The following ATRNL1 variants were observed in gnomAD, a reference collection of about 807,000 sequenced individuals.
ATRNL1 encodes the protein attractin-like protein 1.
ATRNL1 carries 95 observed loss-of-function variants against 182.7 expected under a neutral mutation model. The ratio of observed to expected loss-of-function variants is 0.52; its 90% confidence interval spans 0.44 to 0.62. ATRNL1 has a LOEUF of 0.62. Ranked by LOEUF, ATRNL1 falls within the 20% of genes least tolerant of loss-of-function variation. ATRNL1 has a pLI of 0.00. For missense variants in ATRNL1, 1,471 were observed against 1,679.5 expected, an observed-to-expected ratio of 0.88 and a Z score of 2.17; for synonymous variants, 576 against 568.3, an observed-to-expected ratio of 1.01 and a Z score of -0.19.
chr10:115,436,805 C>A (rs777194644), intron 21 of ATRNL1, among the ~76,000 whole-genome samples: 52 of 152,056 alleles, frequency 3.4e-4, no homozygotes, highest in Admixed American at 1.6e-3. Context: ...TATTGACTAG[C>A]TACTTTGTTA....
chr10:115,194,999 A>G (rs1848307480), intron 8 of ATRNL1, among the ~76,000 whole-genome samples: 1 of 151,982 alleles, frequency 6.6e-6, no homozygotes, highest in South Asian at 2.1e-4. Flanking sequence ...AAAAAGCTCT[A>G]TACATTCTTT....
At chr10:115,527,312 G>C (rs1554986817) in intron 25 of ATRNL1, among the ~76,000 whole-genome samples, 1 of 151,956 alleles carries the variant, frequency 6.6e-6, no homozygotes, top group Non-Finnish European at 1.5e-5. Context: ...GTAGAGATGG[G>C]GTTTCACCGT....
chr10:115,312,865 C>G lies in ATRNL1; in HGVS notation c.2819-2653C>G, dbSNP rs146171773. On this transcript the variant is annotated intron_variant, in intron 17 of 28. Coordinates refer to ENST00000355044, the MANE Select transcript of ATRNL1 (RefSeq NM_207303.4). Reference sequence around the variant, plus strand: ...AATTCAAAAGCTTTGTCTATGAGGTCTGAAATTATTTCTTCTACTTTGTCT... The same window carrying G: ...AATTCAAAAGCTTTGTCTATGAGGTGTGAAATTATTTCTTCTACTTTGTCT... Among the ~76,000 whole-genome samples, 867 of 152,074 alleles carry G rather than the reference C, an allele frequency of 5.7e-3. 5 individuals are homozygous for G. Among genetic ancestry groups the G allele is most frequent in the Admixed American group, 0.011 (167 of 15,266 alleles).
At chr10:115,844,096 A>G (rs1950873990) in intron 27 of ATRNL1, among the ~76,000 whole-genome samples, 1 of 152,076 alleles carries the variant, frequency 6.6e-6, no homozygotes, top group Non-Finnish European at 1.5e-5. Context: ...CCTTGAAGCG[A>G]CTTAGTTTAC....
intron 27 of ATRNL1, among the ~76,000 whole-genome samples, chr10:115,790,332 C>T (rs1299666042): frequency 6.6e-6 from 1 of 152,042 alleles, no homozygotes; most frequent in Non-Finnish European, 1.5e-5. Context: ...AACTTCCACC[C>T]ACAGTTTCTG....
intron 19 of ATRNL1, among the ~76,000 whole-genome samples, chr10:115,357,203 T>G (rs1856541939): frequency 6.6e-6 from 1 of 151,880 alleles, no homozygotes; most frequent in Non-Finnish European, 1.5e-5. Flanking sequence ...ATGACAGGCC[T>G]AGGGTGAAGA....
intron 19 of ATRNL1, among the ~76,000 whole-genome samples, chr10:115,380,660 T>A (rs1244482881): frequency 6.6e-6 from 1 of 152,218 alleles, no homozygotes; most frequent in Non-Finnish European, 1.5e-5. Context: ...ACTTTTTTCA[T>A]GTAGTGTAAT....
At chr10:115,221,645 ACCT>A (rs1554897479) in intron 9 of ATRNL1, among the ~76,000 whole-genome samples, 1 of 152,126 alleles carries the variant, frequency 6.6e-6, no homozygotes, top group East Asian at 1.9e-4. Flanking sequence ...AATCCTGGAA[ACCT>A]CCTGAGACAC....
intron 5 of ATRNL1, among the ~76,000 whole-genome samples, chr10:115,133,131 G>C (rs1168364084): frequency 2.6e-5 from 4 of 152,142 alleles, no homozygotes; most frequent in African/African-American, 4.8e-5. Context: ...AAGAGATCTA[G>C]TTTCAGCCTT....
At chr10:115,188,685 T>G (rs1554889247) in intron 8 of ATRNL1, among the ~76,000 whole-genome samples, 1 of 152,014 alleles carries the variant, frequency 6.6e-6, no homozygotes, top group Non-Finnish European at 1.5e-5. Flanking sequence ...AAGGTATTTT[T>G]TTAATATAAA....
At chr10:115,108,869 C>T (rs1180240644) in intron 1 of ATRNL1, among the ~76,000 whole-genome samples, 1 of 152,142 alleles carries the variant, frequency 6.6e-6, no homozygotes, top group Non-Finnish European at 1.5e-5. Flanking sequence ...TAGCTTATTG[C>T]TCTTAAATTC....
intron 25 of ATRNL1, among the ~76,000 whole-genome samples, chr10:115,531,733 G>T (rs1203313280): frequency 6.6e-6 from 1 of 150,896 alleles, no homozygotes; most frequent in Non-Finnish European, 1.5e-5. Context: ...TAAAGCCTAG[G>T]TTTTCTTCTA....
chr10:115,529,676 TA>T (rs1240766948), intron 25 of ATRNL1, among the ~76,000 whole-genome samples: 1 of 152,106 alleles, frequency 6.6e-6, no homozygotes, highest in Admixed American at 6.5e-5. Context: ...ATAGGAGAAC[TA>T]AAAAACTTCA....
intron 27 of ATRNL1, among the ~76,000 whole-genome samples, chr10:115,735,943 T>C (rs1947937353): frequency 6.6e-6 from 1 of 152,224 alleles, no homozygotes; most frequent in South Asian, 2.1e-4. Flanking sequence ...CACTCCTTTA[T>C]AGAGAATCTA....
intron 13 of ATRNL1, among the ~76,000 whole-genome samples, chr10:115,278,738 A>T (rs922495272): frequency 3.3e-5 from 5 of 152,212 alleles, no homozygotes; most frequent in African/African-American, 1.2e-4. Context: ...CTTAGGCACT[A>T]ATACTACTTT....
chr10:115,724,631 A>G (rs1555059272), intron 26 of ATRNL1, among the ~76,000 whole-genome samples: 1 of 152,160 alleles, frequency 6.6e-6, no homozygotes, highest in African/African-American at 2.4e-5. Context: ...GGTAAGTTCA[A>G]CAGCTGGGAT....
intron 12 of ATRNL1, among the ~76,000 whole-genome samples, chr10:115,267,923 G>T (rs1029285380): frequency 6.6e-6 from 1 of 152,002 alleles, no homozygotes; most frequent in Admixed American, 6.6e-5. Flanking sequence ...CACTATGCCT[G>T]GCTAATTTTT....
Position 115,539,644 on chromosome 10 carries a change from T to C in ATRNL1, c.3717-9814T>C, listed in dbSNP as rs560766978. On this transcript the variant is annotated intron_variant, in intron 25 of 28. Transcript: ENST00000355044. ...AAGCTCAGAGAGAATGAGGGAGACC[T>C]CCCTCCCATTTTTTCTCTTTTTCCT... 1.2e-3 allele frequency among the ~76,000 whole-genome samples: 177 copies of C among 152,258 alleles called. 1 individual carries two copies. Among genetic ancestry groups the C allele is most frequent in the South Asian group, 7.0e-3 (34 of 4,826 alleles).
At chr10:115,154,606 C>G (rs1846413615) in intron 5 of ATRNL1, among the ~76,000 whole-genome samples, 1 of 151,996 alleles carries the variant, frequency 6.6e-6, no homozygotes, top group Non-Finnish European at 1.5e-5. Flanking sequence ...CTTTTGTGTC[C>G]TAACATATAG....
Sources: gnomAD v4.1 joint callset for allele counts (sites outside exome capture counted in the v4.1 genomes callset) on GRCh38, gnomAD v4.1.1 for gene constraint, MANE v1.5 for transcripts, NCBI Gene and HGNC (gene_info 2026-07-23, HGNC 2026-07-21) for gene names.